The following FBXO11 variants were observed in gnomAD, a reference collection of about 807,000 sequenced individuals.
FBXO11 encodes F-box only protein 11.
Under a neutral mutation model 117.0 loss-of-function variants are expected in FBXO11, and 13 were observed. The ratio of observed to expected loss-of-function variants is 0.11; its 90% CI spans 0.07 to 0.18. The LOEUF (loss-of-function observed/expected upper bound fraction) is 0.18, where lower values mean the gene tolerates loss of function less well. Ranked by LOEUF, FBXO11 falls within the 10% of genes least tolerant of loss-of-function variation. The pLI is 1.00. For synonymous variants in FBXO11, 490 were observed against 380.5 expected, an observed-to-expected ratio of 1.29 and a Z score of -3.35; for missense variants, 767 against 1,164.4, an observed-to-expected ratio of 0.66 and a Z score of 4.97.
At chr2:47,854,857 T>G (rs560798897) in intron 1 of FBXO11, among the ~76,000 whole-genome samples, 4 of 37,772 alleles carry the variant, frequency 1.1e-4, no homozygotes, top group East Asian at 9.7e-3. Context: ...TTCTGTTTTT[T>G]TTTTTGTTTT....
At position 47,899,290 on chromosome 2, in the gene FBXO11, AAAAG is replaced by A. The variant is rs1365094876; in HGVS notation, c.232+6195_232+6198del. ...CTCCGTCTCAAAAAAAAAAAAAAAAAAAAGAATTGGTATAAGCTTCAACAAATCA... is the reference window on the plus strand; with the variant it reads ...CTCCGTCTCAAAAAAAAAAAAAAAAAAATTGGTATAAGCTTCAACAAATCA... On this transcript the variant is annotated intron_variant, in intron 1 of 22. Coordinates refer to ENST00000403359, the MANE Select transcript of FBXO11 (RefSeq NM_001190274.2). Among the ~76,000 whole-genome samples, 643 of 151,880 alleles carry A rather than the reference AAAAG, an allele frequency of 4.2e-3. 3 individuals are homozygous for A. The highest frequency in any genetic ancestry group is 0.015 in the African/African-American group (619 of 41,360).
intron 1 of FBXO11, 143 bp from the exon 2 acceptor site, chr2:47,839,912 T>A (rs1459860737): frequency 4.6e-6 from 3 of 646,962 alleles, no homozygotes; most frequent in Non-Finnish European, 7.6e-6. Context: ...GATAGCTATA[T>A]GAAAGAAATG....
chr2:47,901,760 A>G (rs1157246324), intron 1 of FBXO11, among the ~76,000 whole-genome samples: 1 of 152,158 alleles, frequency 6.6e-6, no homozygotes, highest in African/African-American at 2.4e-5. Context: ...ATACTTTGTA[A>G]TATCTAAAAA....
chr2:47,813,181 GGAA>G lies in FBXO11; in HGVS notation c.2227+50_2227+52del, dbSNP rs587777947. ...CAATGTCATTGATCATTAAAGATAT[GGAA>G]GAATAATGGAAAACTGGATTTTTCA... On this transcript the variant is annotated intron_variant, in intron 18 of 22. Transcript: ENST00000403359. The G allele has an allele frequency of 8.5e-6, 13 of 1,537,974 alleles. No individual in the cohort carries two copies. The highest frequency in any genetic ancestry group is 1.4e-5 in the African/African-American group (1 of 73,092).
Position 47,838,892 on chromosome 2 carries a change from C to T in FBXO11, c.554G>A (p.Arg185His), listed in dbSNP as rs2104856077. The T allele has an allele frequency of 6.2e-7, 1 of 1,613,870 alleles. No homozygotes were observed. The highest frequency in any genetic ancestry group is 8.5e-7 in the Non-Finnish European group (1 of 1,179,874). ...DLCRAACVCK[R>H]FSELANDPIL... ...TGGATCATTAGCAAGTTCACTGAAG[C>T]GTTTACATACACAAGCTGCTCTACA... The change falls in exon 4 of 23, where the codon CGC becomes CAC. Residue 185 changes from arginine to histidine, a missense_variant. Physicochemically the swap from Arg to His is conservative, Grantham distance 29 (BLOSUM62 0). Transcript: ENST00000403359.
intron 14 of FBXO11, 78 bp from the exon 15 acceptor site, chr2:47,819,156 C>A: frequency 6.9e-7 from 1 of 1,440,230 alleles, no homozygotes; most frequent in Non-Finnish European, 9.4e-7. Context: ...CCTTTATAGA[C>A]AGTTAAAAAA....
intron 16 of FBXO11, among the ~76,000 whole-genome samples, chr2:47,817,446 T>C (rs762224547): frequency 2.0e-5 from 3 of 152,268 alleles, no homozygotes; most frequent in African/African-American, 4.8e-5. Flanking sequence ...TGTTTTGCTT[T>C]GCTTTATCAT....
chr2:47,866,424 T>C (rs555134071), intron 1 of FBXO11, among the ~76,000 whole-genome samples: 14 of 151,916 alleles, frequency 9.2e-5, no homozygotes, highest in Non-Finnish European at 2.1e-4. Context: ...ACTAAAAAAC[T>C]GCGTCCCAAA....
chr2:47,846,972 T>A (rs1673467246), intron 1 of FBXO11, among the ~76,000 whole-genome samples: 1 of 152,104 alleles, frequency 6.6e-6, no homozygotes, highest in Non-Finnish European at 1.5e-5. Flanking sequence ...AGGCTGGTCG[T>A]GGTGGCTCAC....
intron 1 of FBXO11, among the ~76,000 whole-genome samples, chr2:47,870,962 A>C (rs1675581367): frequency 6.6e-6 from 1 of 152,238 alleles, no homozygotes; most frequent in African/African-American, 2.4e-5. Context: ...CTTGAGCTCC[A>C]GAATGGCTGC....
chr2:47,849,156 T>TA (rs67382590), intron 1 of FBXO11, among the ~76,000 whole-genome samples: 34,557 of 151,986 alleles, frequency 0.23, 4,053 homozygotes, highest in East Asian at 0.35. Context: ...CTCTAACTGC[T>TA]AAAAAAATTC....
chr2:47,863,880 G>A (rs1674984874), intron 1 of FBXO11, among the ~76,000 whole-genome samples: 1 of 151,712 alleles, frequency 6.6e-6, no homozygotes, highest in African/African-American at 2.4e-5. Context: ...GGTGGAGGTT[G>A]CAGTGAGCCA....
intron 1 of FBXO11, among the ~76,000 whole-genome samples, chr2:47,900,912 G>T (rs947904377): frequency 7.6e-6 from 1 of 131,184 alleles, no homozygotes; most frequent in African/African-American, 2.9e-5. Flanking sequence ...ACATATATAT[G>T]TATATATATA....
chr2:47,900,782 A>AG (rs1366966913), intron 1 of FBXO11, among the ~76,000 whole-genome samples: 1 of 112,710 alleles, frequency 8.9e-6, no homozygotes, highest in Non-Finnish European at 1.9e-5. Flanking sequence ...ACACGTATAC[A>AG]CACACGTGTA....
intron 1 of FBXO11, among the ~76,000 whole-genome samples, chr2:47,892,203 AAAG>A (rs1677305518): frequency 6.6e-6 from 1 of 152,214 alleles, no homozygotes; most frequent in South Asian, 2.1e-4. Context: ...ACAATGTCAC[AAAG>A]CCTCCCTCCC....
chr2:47,903,057 G>A (rs1441670820), intron 1 of FBXO11, among the ~76,000 whole-genome samples: 6 of 151,876 alleles, frequency 4.0e-5, no homozygotes, highest in African/African-American at 1.5e-4. Context: ...GACACTTTGC[G>A]TGCTCCATAA....
intron 11 of FBXO11, among the ~76,000 whole-genome samples, chr2:47,825,196 C>G (rs1207884280): frequency 6.6e-6 from 1 of 152,092 alleles, no homozygotes; most frequent in Non-Finnish European, 1.5e-5. Context: ...GAATAACATA[C>G]AAAAGTAGTT....
intron 16 of FBXO11, among the ~76,000 whole-genome samples, chr2:47,815,748 C>G (rs1670962299): frequency 1.3e-5 from 2 of 152,110 alleles, no homozygotes; most frequent in African/African-American, 4.8e-5. Context: ...CGTAAGAATC[C>G]CAGATGTAAG....
intron 1 of FBXO11, among the ~76,000 whole-genome samples, chr2:47,840,641 A>G (rs553801612): frequency 1.6e-4 from 25 of 151,568 alleles, no homozygotes; most frequent in African/African-American, 5.8e-4. Context: ...TTTTGGTGAG[A>G]TGGGGTCTCA....
Sources: gnomAD v4.1 joint callset for allele counts (sites outside exome capture counted in the v4.1 genomes callset) on GRCh38, gnomAD v4.1.1 for gene constraint, MANE v1.5 for transcripts, NCBI Gene and HGNC (gene_info 2026-07-23, HGNC 2026-07-21) for gene names.